DPP10: variants seen among roughly 807,000 people sequenced by gnomAD.
DPP10 encodes inactive dipeptidyl peptidase 10.
In DPP10, 33 loss-of-function variants were observed where a neutral mutation model predicts 120.9. That is an observed-to-expected ratio of 0.27 (90% CI 0.21 to 0.37). The LOEUF (loss-of-function observed/expected upper bound fraction) is 0.37, where lower values mean the gene tolerates loss of function less well. DPP10 is among the 10% of genes least tolerant of loss of function. DPP10 has a pLI of 1.00. For synonymous variants in DPP10, 337 were observed against 326.1 expected (o/e 1.03, Z -0.36); for missense variants, 816 against 942.8 (o/e 0.87, Z 1.76).
intron 1 of DPP10, among the ~76,000 whole-genome samples, chr2:114,952,358 A>T (rs1024912888): frequency 6.6e-6 from 1 of 152,190 alleles, no homozygotes; most frequent in African/African-American, 2.4e-5. Context: ...AACAAATGTA[A>T]AAACACCTGT....
intron 5 of DPP10, among the ~76,000 whole-genome samples, chr2:115,593,422 A>G (rs2082794314): frequency 6.6e-6 from 1 of 152,180 alleles, no homozygotes; most frequent in South Asian, 2.1e-4. Context: ...AAATCCACAC[A>G]TCAGCAGGGA....
At chr2:114,564,252 A>G (rs1452523591) in intron 1 of DPP10, among the ~76,000 whole-genome samples, 1 of 152,138 alleles carries the variant, frequency 6.6e-6, no homozygotes, top group Non-Finnish European at 1.5e-5. Flanking sequence ...TTCTGTCAAC[A>G]GAGACTATTC....
chr2:115,291,532 C>G (rs1373771523), intron 1 of DPP10, among the ~76,000 whole-genome samples: 1 of 152,092 alleles, frequency 6.6e-6, no homozygotes, highest in Non-Finnish European at 1.5e-5. Flanking sequence ...CTGCTAGATA[C>G]TCATATCACA....
chr2:114,585,323 G>A (rs758524249), intron 1 of DPP10, among the ~76,000 whole-genome samples: 31 of 152,070 alleles, frequency 2.0e-4, no homozygotes, highest in African/African-American at 4.3e-4. Context: ...TGCCTCCAGC[G>A]CATTTCCCTC....
chr2:115,425,359 T>G (rs954129884), intron 3 of DPP10, among the ~76,000 whole-genome samples: 1 of 152,172 alleles, frequency 6.6e-6, no homozygotes, highest in Non-Finnish European at 1.5e-5. Context: ...AAAGTATAAT[T>G]TTTACGTTGT....
At chr2:115,515,657 T>G (rs553522960) in intron 4 of DPP10, among the ~76,000 whole-genome samples, 6 of 152,228 alleles carry the variant, frequency 3.9e-5, no homozygotes, top group African/African-American at 1.4e-4. Flanking sequence ...GGATGTTCTG[T>G]GTTTCACATA....
intron 3 of DPP10, among the ~76,000 whole-genome samples, chr2:115,490,951 C>G (rs1053596253): frequency 2.0e-5 from 3 of 152,100 alleles, no homozygotes; most frequent in African/African-American, 7.2e-5. Context: ...AACCCCATCT[C>G]TACTAGAAAT....
At chr2:115,425,510 T>A (rs2070373402) in intron 3 of DPP10, among the ~76,000 whole-genome samples, 1 of 152,158 alleles carries the variant, frequency 6.6e-6, no homozygotes, top group Non-Finnish European at 1.5e-5. Context: ...AGAGGTATAT[T>A]CATAACAGTA....
chr2:114,503,264 T>G (rs1225971062), intron 1 of DPP10, among the ~76,000 whole-genome samples: 1 of 152,208 alleles, frequency 6.6e-6, no homozygotes, highest in Non-Finnish European at 1.5e-5. Flanking sequence ...TCAGAAATAC[T>G]AAGTGGGACA....
chr2:115,004,122 T>C (rs1241050616), intron 1 of DPP10, among the ~76,000 whole-genome samples: 1 of 152,116 alleles, frequency 6.6e-6, no homozygotes, highest in African/African-American at 2.4e-5. Flanking sequence ...CATTCATATA[T>C]GGGAGCTAAA....
At chr2:115,360,891 G>T (rs1349129690) in intron 3 of DPP10, among the ~76,000 whole-genome samples, 1 of 152,124 alleles carries the variant, frequency 6.6e-6, no homozygotes, top group Non-Finnish European at 1.5e-5. Context: ...TGTTGCTGTG[G>T]GTGTGCAGCT....
At chr2:115,806,001 G>A (rs1441368067) in intron 19 of DPP10, among the ~76,000 whole-genome samples, 1 of 152,154 alleles carries the variant, frequency 6.6e-6, no homozygotes, top group Non-Finnish European at 1.5e-5. Flanking sequence ...TATGCCTCAT[G>A]TTGGACAACT....
At chr2:115,451,431 G>T (rs1356227339) in intron 3 of DPP10, among the ~76,000 whole-genome samples, 1 of 151,854 alleles carries the variant, frequency 6.6e-6, no homozygotes, top group African/African-American at 2.4e-5. Context: ...GCCAAGTGTT[G>T]CAGACAAAAA....
At chr2:114,831,410 T>A (rs1021428555) in intron 1 of DPP10, among the ~76,000 whole-genome samples, 3 of 152,164 alleles carry the variant, frequency 2.0e-5, no homozygotes, top group Non-Finnish European at 4.4e-5. Flanking sequence ...CTTGGGTGTT[T>A]CATAACTTAG....
intron 3 of DPP10, among the ~76,000 whole-genome samples, chr2:115,431,204 A>C (rs1014328399): frequency 6.6e-6 from 1 of 152,214 alleles, no homozygotes; most frequent in African/African-American, 2.4e-5. Flanking sequence ...AGAGATCTAA[A>C]GATTGAAAAC....
chr2:115,367,977 T>G (rs1004202341), intron 3 of DPP10, among the ~76,000 whole-genome samples: 3 of 152,096 alleles, frequency 2.0e-5, no homozygotes, highest in Non-Finnish European at 4.4e-5. Flanking sequence ...TCCTCTGGTG[T>G]GTGTTTAGGT....
chr2:115,186,377 A>C (rs2054436199), intron 1 of DPP10, among the ~76,000 whole-genome samples: 1 of 152,230 alleles, frequency 6.6e-6, no homozygotes. Flanking sequence ...TGGAGGAGAC[A>C]TGATAGTCCT....
chr2:115,671,890 C>A (rs923352184), intron 5 of DPP10, among the ~76,000 whole-genome samples: 4 of 152,098 alleles, frequency 2.6e-5, no homozygotes, highest in Non-Finnish European at 5.9e-5. Context: ...TGAATCTCAC[C>A]ACTTGTGCCC....
chr2:114,834,032 C>T (rs917332307), intron 1 of DPP10: 4 of 150,974 alleles, frequency 2.6e-5, no homozygotes, highest in African/African-American at 7.3e-5. Context: ...TAAACATATA[C>T]ACACACCTAT....
Sources: gnomAD v4.1 joint callset for allele counts (sites outside exome capture counted in the v4.1 genomes callset) on GRCh38, gnomAD v4.1.1 for gene constraint, MANE v1.5 for transcripts, NCBI Gene and HGNC (gene_info 2026-07-23, HGNC 2026-07-21) for gene names.